The following SLC35D4 variants were observed in gnomAD, a reference collection of about 807,000 sequenced individuals.
SLC35D4 encodes solute carrier family 35 member D4.
the SLC35D4 span, among the ~76,000 whole-genome samples, chr18:23,394,118 T>G: frequency 2.6e-5 from 4 of 152,238 alleles, no homozygotes; most frequent in Non-Finnish European, 2.9e-5. Flanking sequence ...TTTTGATGTT[T>G]TGAAGAAGCA....
chr18:23,431,917 G>A, the SLC35D4 span, among the ~76,000 whole-genome samples: 4 of 152,088 alleles, frequency 2.6e-5, no homozygotes, highest in African/African-American at 7.2e-5. Context: ...TAAAAAAATG[G>A]AGTGGACTGG....
chr18:23,389,021 G>A, the SLC35D4 span, among the ~76,000 whole-genome samples: 1 of 112,690 alleles, frequency 8.9e-6, no homozygotes, highest in South Asian at 2.8e-4. Context: ...TTGGAGTCTT[G>A]CTCTGTCACC....
the SLC35D4 span, chr18:23,421,441 C>T: frequency 1.9e-6 from 3 of 1,613,950 alleles, no homozygotes; most frequent in Middle Eastern, 1.7e-4. Context: ...TGAGCGTCTG[C>T]CACCTGGAAA....
chr18:23,377,562 T>C, the SLC35D4 span: 3 of 1,325,776 alleles, frequency 2.3e-6, no homozygotes, highest in African/African-American at 1.5e-5. Context: ...TCTTAGAGTA[T>C]GAATCTTGAA....
At chr18:23,347,867 C>T in the SLC35D4 span, among the ~76,000 whole-genome samples, 1 of 152,108 alleles carries the variant, frequency 6.6e-6, no homozygotes, top group Non-Finnish European at 1.5e-5. Flanking sequence ...TATATCCTTC[C>T]TTCTGCTTAC....
the SLC35D4 span, among the ~76,000 whole-genome samples, chr18:23,276,367 C>T: frequency 6.6e-6 from 1 of 151,466 alleles, no homozygotes; most frequent in Non-Finnish European, 1.5e-5. Context: ...GGATTACAGG[C>T]TTGAGCCACC....
the SLC35D4 span, among the ~76,000 whole-genome samples, chr18:23,310,962 CCAGA>C: frequency 6.6e-6 from 1 of 152,114 alleles, no homozygotes; most frequent in Non-Finnish European, 1.5e-5. Flanking sequence ...AGAAGCCCAG[CCAGA>C]CAGACAATTA....
the SLC35D4 span, among the ~76,000 whole-genome samples, chr18:23,396,864 C>CAA: frequency 7.1e-6 from 1 of 140,048 alleles, no homozygotes. Context: ...AAATGTCTTG[C>CAA]AAAAAAAAAA....
At chr18:23,286,088 C>G in the SLC35D4 span, among the ~76,000 whole-genome samples, 1 of 152,148 alleles carries the variant, frequency 6.6e-6, no homozygotes, top group South Asian at 2.1e-4. Flanking sequence ...AATAAAACTC[C>G]AAAAATTAAA....
the SLC35D4 span, among the ~76,000 whole-genome samples, chr18:23,419,474 TA>T: frequency 6.6e-6 from 1 of 152,046 alleles, no homozygotes; most frequent in African/African-American, 2.4e-5. Flanking sequence ...GTATTTTTAG[TA>T]GAGACAGGGT....
chr18:23,371,992 G>T, the SLC35D4 span, among the ~76,000 whole-genome samples: 2 of 124,248 alleles, frequency 1.6e-5, no homozygotes, highest in African/African-American at 6.4e-5. Context: ...CTGGAGTGCA[G>T]TGGCGGGATC....
the SLC35D4 span, among the ~76,000 whole-genome samples, chr18:23,289,154 C>T: frequency 6.6e-6 from 1 of 152,204 alleles, no homozygotes. Flanking sequence ...ATGTCCTGCT[C>T]TTGTTTACAC....
chr18:23,282,176 TG>T, the SLC35D4 span, among the ~76,000 whole-genome samples: 1 of 152,202 alleles, frequency 6.6e-6, no homozygotes, highest in Non-Finnish European at 1.5e-5. Flanking sequence ...ACTTTGCCTT[TG>T]CTAATCCTGC....
the SLC35D4 span, among the ~76,000 whole-genome samples, chr18:23,243,902 C>G: frequency 7.3e-5 from 11 of 150,104 alleles, no homozygotes; most frequent in African/African-American, 2.5e-4. Context: ...TAATACAAAA[C>G]AAGAGTTTGA....
chr18:23,421,389 C>T, the SLC35D4 span: 2 of 1,614,088 alleles, frequency 1.2e-6, no homozygotes, highest in Non-Finnish European at 1.7e-6. Flanking sequence ...TTGATCTCTA[C>T]CCAGCCCAGT....
chr18:23,271,643 T>C, the SLC35D4 span, among the ~76,000 whole-genome samples: 1 of 152,126 alleles, frequency 6.6e-6, no homozygotes. Flanking sequence ...GAGGTGACTC[T>C]TGGTGGGTCT....
the SLC35D4 span, chr18:23,373,699 C>T: frequency 6.2e-7 from 1 of 1,613,514 alleles, no homozygotes; most frequent in South Asian, 1.1e-5. Flanking sequence ...CAAATGAGTT[C>T]ACTTGGACTT....
chr18:23,385,225 T>A, the SLC35D4 span, among the ~76,000 whole-genome samples: 1 of 152,250 alleles, frequency 6.6e-6, no homozygotes, highest in Non-Finnish European at 1.5e-5. Flanking sequence ...TAGCGCTCTT[T>A]GCTGCAGTAT....
At chr18:23,243,632 G>A in the SLC35D4 span, among the ~76,000 whole-genome samples, 2 of 151,718 alleles carry the variant, frequency 1.3e-5, no homozygotes, top group Non-Finnish European at 2.9e-5. Flanking sequence ...CAGCACTTTG[G>A]GAGGCCAAGG....
Sources: gnomAD v4.1 joint callset for allele counts (sites outside exome capture counted in the v4.1 genomes callset) on GRCh38, gnomAD v4.1.1 for gene constraint, MANE v1.5 for transcripts, NCBI Gene and HGNC (gene_info 2026-07-23, HGNC 2026-07-21) for gene names.